Variants in LAMA2 observed in about 807,000 individuals in gnomAD.
The protein encoded by LAMA2 is laminin subunit alpha-2.
LAMA2 carries 269 observed loss-of-function variants against 364.8 expected under a neutral mutation model. That is an observed-to-expected ratio of 0.74 (90% CI 0.67 to 0.82). The LOEUF is 0.82. LAMA2 is among the 40% of genes least tolerant of loss of function. LAMA2 has a pLI of 0.00. For synonymous variants in LAMA2, 1,379 were observed against 1,370.6 expected (o/e 1.01, Z -0.14); for missense variants, 3,807 against 3,873.2 (o/e 0.98, Z 0.45).
chr6:129,067,995 T>C (rs1753275919), intron 3 of LAMA2, among the ~76,000 whole-genome samples: 1 of 152,232 alleles, frequency 6.6e-6, no homozygotes, highest in Non-Finnish European at 1.5e-5. Context: ...ACTATGTACA[T>C]GTTACTGTTC....
At chr6:128,920,302 C>T (rs528441235) in intron 1 of LAMA2, among the ~76,000 whole-genome samples, 19 of 152,100 alleles carry the variant, frequency 1.2e-4, no homozygotes, top group African/African-American at 2.4e-4. Context: ...GGACTACAGG[C>T]GTGTGCCACC....
chr6:129,106,862 A>C (rs1312622919), intron 4 of LAMA2, among the ~76,000 whole-genome samples: 2 of 109,822 alleles, frequency 1.8e-5, no homozygotes, highest in Admixed American at 1.7e-4. Flanking sequence ...TTACTCCTCC[A>C]AAAAAAAAAA....
At chr6:129,230,760 T>G (rs1202800756) in intron 12 of LAMA2, among the ~76,000 whole-genome samples, 1 of 152,028 alleles carries the variant, frequency 6.6e-6, no homozygotes, top group Non-Finnish European at 1.5e-5. Flanking sequence ...ACAGAGAAGA[T>G]AGAGGTTAGA....
chr6:129,180,298 T>C (rs774313532), intron 10 of LAMA2, among the ~76,000 whole-genome samples: 5 of 152,142 alleles, frequency 3.3e-5, no homozygotes, highest in Non-Finnish European at 7.4e-5. Flanking sequence ...AGTGTCCATA[T>C]ATTTCTATCC....
intron 23 of LAMA2, 64 bp downstream of exon 23, chr6:129,313,161 T>A (rs1257244368): frequency 4.0e-6 from 4 of 1,003,624 alleles, no homozygotes; most frequent in Non-Finnish European, 6.1e-6. Context: ...TGCTCAGTTT[T>A]AACTTCATTC....
At chr6:128,921,393 A>C (rs1778703516) in intron 1 of LAMA2, among the ~76,000 whole-genome samples, 1 of 152,204 alleles carries the variant, frequency 6.6e-6, no homozygotes, top group South Asian at 2.1e-4. Flanking sequence ...CCAGGTAACT[A>C]TGAATGTGAC....
intron 4 of LAMA2, among the ~76,000 whole-genome samples, chr6:129,129,944 T>A (rs199742212): frequency 0.086 from 11,354 of 132,346 alleles, 593 homozygotes; most frequent in African/African-American, 0.15. Context: ...AAAAAAAAAA[T>A]AACATATTTT....
chr6:129,226,631 C>T (rs1322321614), intron 12 of LAMA2, among the ~76,000 whole-genome samples: 1 of 149,614 alleles, frequency 6.7e-6, no homozygotes. Context: ...GTTGAAAATT[C>T]TTTTCTTTAA....
chr6:129,401,816 A>C (rs891456563), intron 38 of LAMA2, among the ~76,000 whole-genome samples: 1 of 147,784 alleles, frequency 6.8e-6, no homozygotes. Flanking sequence ...TTCTTGGTCT[A>C]AGTTGGTTTC....
chr6:128,892,730 T>TA (rs997699806), intron 1 of LAMA2, among the ~76,000 whole-genome samples: 11 of 151,684 alleles, frequency 7.3e-5, no homozygotes, highest in African/African-American at 2.4e-4. Flanking sequence ...ATTACTATAG[T>TA]AAAAAAAATT....
chr6:128,971,120 G>A (rs555346999), intron 1 of LAMA2, among the ~76,000 whole-genome samples: 121 of 152,154 alleles, frequency 8.0e-4, no homozygotes, highest in Middle Eastern at 6.8e-3. Flanking sequence ...TCCTGTGCCT[G>A]GTACCTGAAA....
chr6:129,479,098 C>T (rs1012446374), intron 54 of LAMA2, among the ~76,000 whole-genome samples: 3 of 152,206 alleles, frequency 2.0e-5, no homozygotes, highest in Non-Finnish European at 4.4e-5. Flanking sequence ...TCCAACACTA[C>T]TTTTCCCTTT....
At chr6:129,446,938 G>C (rs1302567264) in intron 45 of LAMA2, among the ~76,000 whole-genome samples, 4 of 152,138 alleles carry the variant, frequency 2.6e-5, no homozygotes, top group Non-Finnish European at 2.9e-5. Flanking sequence ...TAAGATCAGA[G>C]TAGTAAATCA....
chr6:129,438,440 A>G (rs1583749756), intron 41 of LAMA2, among the ~76,000 whole-genome samples: 2 of 152,092 alleles, frequency 1.3e-5, no homozygotes, highest in East Asian at 1.9e-4. Context: ...TTCAACATGT[A>G]GAAGCATCCA....
chr6:129,286,728 ATAT>A, intron 18 of LAMA2, among the ~76,000 whole-genome samples: 1 of 82 alleles, frequency 0.012, no homozygotes, highest in African/African-American at 0.022. Context: ...ATTATATAAT[ATAT>A]TATATAATAT....
chr6:128,894,639 C>T (rs1776653320), intron 1 of LAMA2, among the ~76,000 whole-genome samples: 1 of 152,164 alleles, frequency 6.6e-6, no homozygotes, highest in Non-Finnish European at 1.5e-5. Flanking sequence ...CTTCAGTATA[C>T]AGTTGATGTT....
intron 8 of LAMA2, among the ~76,000 whole-genome samples, chr6:129,162,242 C>T (rs549185775): frequency 6.6e-6 from 1 of 152,194 alleles, no homozygotes; most frequent in South Asian, 2.1e-4. Context: ...GTGATATAGT[C>T]CTATCTTTTG....
chr6:129,235,103 T>C (rs1263322155), intron 12 of LAMA2, among the ~76,000 whole-genome samples: 1 of 152,094 alleles, frequency 6.6e-6, no homozygotes, highest in Non-Finnish European at 1.5e-5. Context: ...TCTGAGCAAA[T>C]TTTACATTCA....
intron 9 of LAMA2, among the ~76,000 whole-genome samples, chr6:129,173,408 T>A (rs1780351165): frequency 6.6e-6 from 1 of 152,234 alleles, no homozygotes; most frequent in Non-Finnish European, 1.5e-5. Flanking sequence ...AGAGCTTACA[T>A]GTCTATTTCA....
Sources: gnomAD v4.1 joint callset for allele counts (sites outside exome capture counted in the v4.1 genomes callset) on GRCh38, gnomAD v4.1.1 for gene constraint, MANE v1.5 for transcripts, NCBI Gene and HGNC (gene_info 2026-07-23, HGNC 2026-07-21) for gene names.